THRB: variants seen among roughly 807,000 people sequenced by gnomAD.
THRB encodes nuclear receptor subfamily 1 group A member 2.
THRB carries 12 observed loss-of-function variants against 47.8 expected under a neutral mutation model. The ratio of observed to expected loss-of-function variants is 0.25; its 90% CI spans 0.16 to 0.41. THRB has a LOEUF of 0.41. Ranked by LOEUF, THRB falls within the 10% of genes least tolerant of loss-of-function variation. THRB has a pLI of 1.00. For missense variants in THRB, 348 were observed against 589.2 expected, an observed-to-expected ratio of 0.59 and a Z score of 4.24; for synonymous variants, 218 against 212.2, an observed-to-expected ratio of 1.03 and a Z score of -0.24.
In THRB at chr3:24,146,656, CAAGTG is replaced by C; in HGVS notation, c.532+14_532+18del. Reference sequence around the variant, plus strand: ...TAATCAACATTCCTTGAATATGAAGCAAGTGAAGATCTACTTACAATCTGTTGCCA... The same window carrying C: ...TAATCAACATTCCTTGAATATGAAGCAAGATCTACTTACAATCTGTTGCCA... On this transcript the variant is annotated intron_variant, in intron 7 of 10. Transcript: ENST00000646209. 1 of 1,613,462 alleles carries C rather than the reference CAAGTG, an allele frequency of 6.2e-7. No homozygotes were observed. Among genetic ancestry groups the C allele is most frequent in the Non-Finnish European group, 8.5e-7 (1 of 1,179,410 alleles).
intron 3 of THRB, among the ~76,000 whole-genome samples, chr3:24,230,795 T>A (rs1433482582): frequency 6.6e-6 from 1 of 152,118 alleles, no homozygotes; most frequent in African/African-American, 2.4e-5. Context: ...GCTTAAGACT[T>A]GAGCTGGACT....
chr3:24,242,331 G>A lies in THRB; in HGVS notation c.-42-13330C>T, dbSNP rs769261257. 3.8e-4 allele frequency among the ~76,000 whole-genome samples: 58 copies of A among 152,114 alleles called. 1 individual carries two copies. Among genetic ancestry groups the A allele is most frequent in the Admixed American group, 2.3e-3 (35 of 15,280 alleles). On this transcript the variant is annotated intron_variant, in intron 3 of 10. Coordinates refer to ENST00000646209, the MANE Select transcript of THRB (RefSeq NM_001354712.2). ...GCTCCCAGCATGGTGATTATTTTCC[G>A]AACAATAGAACCAGATTGCTGATTC...
intron 2 of THRB, among the ~76,000 whole-genome samples, chr3:24,308,425 T>C (rs2057515302): frequency 2.0e-5 from 3 of 152,190 alleles, no homozygotes; most frequent in African/African-American, 2.4e-5. Context: ...GGTCCTACTA[T>C]GTAAAATCAC....
At chr3:24,233,450 C>A (rs770457778) in intron 3 of THRB, among the ~76,000 whole-genome samples, 10 of 145,234 alleles carry the variant, frequency 6.9e-5, no homozygotes, top group Non-Finnish European at 1.2e-4. Flanking sequence ...TAGTGAGACC[C>A]TGTCTCAAAA....
intron 1 of THRB, among the ~76,000 whole-genome samples, chr3:24,392,664 G>A (rs1430130036): frequency 6.6e-6 from 1 of 152,098 alleles, no homozygotes; most frequent in Non-Finnish European, 1.5e-5. Flanking sequence ...CAGAAACGGG[G>A]AGTGTATTTA....
chr3:24,331,122 A>T (rs1407427828), intron 2 of THRB, among the ~76,000 whole-genome samples: 1 of 152,164 alleles, frequency 6.6e-6, no homozygotes, highest in Non-Finnish European at 1.5e-5. Flanking sequence ...TGTCTTCTGA[A>T]AAATGGCATT....
intron 2 of THRB, among the ~76,000 whole-genome samples, chr3:24,299,249 T>TAAAAA (rs36061929): frequency 0.011 from 732 of 67,760 alleles, no homozygotes; most frequent in Non-Finnish European, 0.012. Context: ...CTCAGTCTCA[T>TAAAAA]AAAAAAAAAA....
At chr3:24,231,485 A>C (rs1436530818) in intron 3 of THRB, among the ~76,000 whole-genome samples, 1 of 152,160 alleles carries the variant, frequency 6.6e-6, no homozygotes, top group Non-Finnish European at 1.5e-5. Flanking sequence ...CTTCAACTAT[A>C]GTACAATTTA....
At chr3:24,206,414 C>G (rs2045361789) in intron 4 of THRB, among the ~76,000 whole-genome samples, 1 of 152,106 alleles carries the variant, frequency 6.6e-6, no homozygotes, top group African/African-American at 2.4e-5. Flanking sequence ...GGGTACATAA[C>G]AAAATGAAGG....
At chr3:24,404,955 C>G (rs914327782) in intron 1 of THRB, among the ~76,000 whole-genome samples, 1 of 151,874 alleles carries the variant, frequency 6.6e-6, no homozygotes, top group Non-Finnish European at 1.5e-5. Context: ...TATAACCTTA[C>G]CAAACCTAAG....
chr3:24,263,707 T>C (rs2052335761), intron 3 of THRB, among the ~76,000 whole-genome samples: 1 of 151,986 alleles, frequency 6.6e-6, no homozygotes, highest in Admixed American at 6.6e-5. Context: ...AATAGATACT[T>C]GCTGACTTAA....
rs558247174 is a variant in THRB at position 24,477,007 on chromosome 3, A to ATTTTTTTTTTTTTTTTT, written c.-261+17628_-261+17644dup. ...GGTATTTATGGTAGTGGTTTTCAAG[A>ATTTTTTTTTTTTTTTTT]TTTTTTTTTTTTTTTTTTACTGTAA... On this transcript the variant is annotated intron_variant, in intron 1 of 10. Coordinates refer to ENST00000646209, the MANE Select transcript of THRB (RefSeq NM_001354712.2). Among the ~76,000 whole-genome samples, 30 of 126,468 alleles carry ATTTTTTTTTTTTTTTTT rather than the reference A, an allele frequency of 2.4e-4. 1 individual carries two copies. Among genetic ancestry groups the ATTTTTTTTTTTTTTTTT allele is most frequent in the Middle Eastern group, 4.2e-3 (1 of 236 alleles). The allele number at this position is 126,468 out of a possible 152,430, so 83.0% of individuals were successfully genotyped here.
chr3:24,319,711 C>T (rs1247681241), intron 2 of THRB, among the ~76,000 whole-genome samples: 2 of 152,054 alleles, frequency 1.3e-5, no homozygotes, highest in African/African-American at 4.8e-5. Flanking sequence ...TGTTATAGCA[C>T]ACTAAAAAGT....
At chr3:24,280,697 T>G (rs915322736) in intron 3 of THRB, among the ~76,000 whole-genome samples, 5 of 151,826 alleles carry the variant, frequency 3.3e-5, no homozygotes, top group African/African-American at 9.7e-5. Flanking sequence ...GAAAAAAACT[T>G]AGAAGAATGT....
intron 4 of THRB, among the ~76,000 whole-genome samples, chr3:24,223,625 G>A (rs894207015): frequency 1.3e-5 from 2 of 152,046 alleles, no homozygotes; most frequent in Non-Finnish European, 2.9e-5. Flanking sequence ...GGTAAAGGAT[G>A]GCTTGAAATT....
intron 7 of THRB, among the ~76,000 whole-genome samples, chr3:24,145,757 T>C (rs970465445): frequency 6.6e-6 from 1 of 152,184 alleles, no homozygotes; most frequent in African/African-American, 2.4e-5. Context: ...AAAATGTGAG[T>C]CATGATTACT....
At chr3:24,340,077 T>G (rs931085299) in intron 1 of THRB, among the ~76,000 whole-genome samples, 2 of 152,330 alleles carry the variant, frequency 1.3e-5, no homozygotes, top group African/African-American at 4.8e-5. Flanking sequence ...CCATGACTGC[T>G]CCCAATTAAT....
intron 1 of THRB, among the ~76,000 whole-genome samples, chr3:24,490,154 G>A (rs1190347359): frequency 6.6e-6 from 1 of 152,134 alleles, no homozygotes; most frequent in Non-Finnish European, 1.5e-5. Context: ...GCTGCATGCT[G>A]AACTGAAAAA....
intron 1 of THRB, among the ~76,000 whole-genome samples, chr3:24,339,046 T>G (rs1293282441): frequency 6.6e-6 from 1 of 152,244 alleles, no homozygotes; most frequent in Non-Finnish European, 1.5e-5. Context: ...GGCTTGTGTT[T>G]GTAGCAGTTG....
Sources: gnomAD v4.1 joint callset for allele counts (sites outside exome capture counted in the v4.1 genomes callset) on GRCh38, gnomAD v4.1.1 for gene constraint, MANE v1.5 for transcripts, NCBI Gene and HGNC (gene_info 2026-07-23, HGNC 2026-07-21) for gene names.